Variants in RARB observed in about 807,000 individuals in gnomAD.
RARB encodes the protein HBV-activated protein.
A neutral mutation model predicts 51.9 loss-of-function variants in RARB; 17 were observed. That is an observed-to-expected ratio of 0.33 (90% confidence interval 0.22 to 0.49). The LOEUF is 0.49. RARB is among the 20% of genes least tolerant of loss of function. The pLI is 0.99. For missense variants in RARB, 369 were observed against 550.8 expected (o/e 0.67, Z 3.30); for synonymous variants, 215 against 195.4 (o/e 1.10, Z -0.84).
intron 2 of RARB, among the ~76,000 whole-genome samples, chr3:25,014,204 A>G (rs977711424): frequency 1.3e-5 from 2 of 151,990 alleles, no homozygotes; most frequent in South Asian, 2.1e-4. Context: ...CAATATAACT[A>G]TGTCTCTTTT....
chr3:25,180,078 G>C (rs1346195259), intron 5 of RARB, among the ~76,000 whole-genome samples: 1 of 152,162 alleles, frequency 6.6e-6, no homozygotes, highest in African/African-American at 2.4e-5. Context: ...ATGCCCAAAG[G>C]AGTGTCTCAA....
chr3:25,129,732 T>C (rs554748039), intron 3 of RARB, among the ~76,000 whole-genome samples: 42 of 152,188 alleles, frequency 2.8e-4, no homozygotes, highest in African/African-American at 8.7e-4. Context: ...ATGAAAAGTT[T>C]AAAAATGAAA....
At chr3:25,144,965 T>C (rs183265919) in intron 4 of RARB, among the ~76,000 whole-genome samples, 1 of 152,270 alleles carries the variant, frequency 6.6e-6, no homozygotes, top group East Asian at 1.9e-4. Flanking sequence ...TTACAACATT[T>C]TGGAATGCAG....
chr3:25,496,370 G>A (rs1227817078), intron 2 of RARB, among the ~76,000 whole-genome samples: 2 of 152,162 alleles, frequency 1.3e-5, no homozygotes, highest in Admixed American at 6.5e-5. Context: ...CTTAGTTCCA[G>A]GGGTGTCATA....
chr3:25,331,825 A>G (rs1199515438), intron 5 of RARB, among the ~76,000 whole-genome samples: 1 of 152,218 alleles, frequency 6.6e-6, no homozygotes, highest in Non-Finnish European at 1.5e-5. Context: ...AGACACAATA[A>G]AAAATGATAA....
At chr3:25,117,651 C>T (rs1319014509) in intron 3 of RARB, among the ~76,000 whole-genome samples, 1 of 152,058 alleles carries the variant, frequency 6.6e-6, no homozygotes, top group East Asian at 1.9e-4. Flanking sequence ...GTGGCCTGAG[C>T]TTAGGGTAAT....
chr3:25,045,420 G>C (rs1698195423), intron 2 of RARB, among the ~76,000 whole-genome samples: 1 of 152,120 alleles, frequency 6.6e-6, no homozygotes, highest in Admixed American at 6.6e-5. Context: ...GTATCTGAGA[G>C]GTTTAAGTAA....
intron 2 of RARB, among the ~76,000 whole-genome samples, chr3:24,945,233 T>C (rs1291756501): frequency 6.6e-6 from 1 of 152,240 alleles, no homozygotes; most frequent in East Asian, 1.9e-4. Flanking sequence ...TATTTGTGTA[T>C]ATTTATGTAA....
intron 3 of RARB, among the ~76,000 whole-genome samples, chr3:25,083,946 C>T (rs918772868): frequency 6.6e-6 from 1 of 152,130 alleles, no homozygotes; most frequent in Non-Finnish European, 1.5e-5. Context: ...TTATCCACTC[C>T]GACAAACTGA....
intron 5 of RARB, among the ~76,000 whole-genome samples, chr3:25,367,269 T>A (rs1056865897): frequency 6.6e-6 from 1 of 152,242 alleles, no homozygotes; most frequent in East Asian, 1.9e-4. Flanking sequence ...ATTTGAGCAA[T>A]CTCCTCTGGC....
chr3:24,849,912 T>A (rs1262939570), intron 1 of RARB, among the ~76,000 whole-genome samples: 2 of 152,232 alleles, frequency 1.3e-5, no homozygotes, highest in South Asian at 2.1e-4. Context: ...TCAGAAAGTT[T>A]CATTGAAGCA....
intron 4 of RARB, among the ~76,000 whole-genome samples, chr3:25,132,845 A>T (rs1466724825): frequency 6.6e-6 from 1 of 151,950 alleles, no homozygotes; most frequent in Non-Finnish European, 1.5e-5. Flanking sequence ...ATAAATATAT[A>T]TAATTGTCAA....
chr3:24,978,268 T>C (rs1229191071), intron 2 of RARB, among the ~76,000 whole-genome samples: 1 of 152,210 alleles, frequency 6.6e-6, no homozygotes, highest in Admixed American at 6.5e-5. Flanking sequence ...GCTTGTCTTA[T>C]AAAATGAGTT....
intron 5 of RARB, among the ~76,000 whole-genome samples, chr3:25,375,046 G>T (rs1020212123): frequency 2.8e-5 from 4 of 141,628 alleles, no homozygotes; most frequent in African/African-American, 9.8e-5. Context: ...AACTTAAAGC[G>T]AGAGAAATAA....
exon 5 of RARB, chr3:25,174,189 GCATCCTT>G: frequency 7.7e-6 from 2 of 258,768 alleles, no homozygotes; most frequent in Non-Finnish European, 7.7e-6. Flanking sequence ...AACGACGAAA[GCATCCTT>G]CCTGTAATCA....
intron 3 of RARB, among the ~76,000 whole-genome samples, chr3:25,510,480 G>A (rs1422645841): frequency 6.6e-6 from 1 of 151,920 alleles, no homozygotes; most frequent in Non-Finnish European, 1.5e-5. Context: ...AAAAAAATTA[G>A]CCGGGCATGG....
chr3:24,849,764 T>C (rs1332941423), intron 1 of RARB, among the ~76,000 whole-genome samples: 1 of 152,208 alleles, frequency 6.6e-6, no homozygotes, highest in East Asian at 1.9e-4. Context: ...CAACATCCAT[T>C]ATGGGAATGA....
chr3:25,580,686 A>G lies in RARB; in HGVS notation c.750A>G (p.Gln250=), dbSNP rs760477676. 1 of 1,609,362 alleles carries G rather than the reference A, an allele frequency of 6.2e-7. No homozygotes were observed. Among genetic ancestry groups the G allele is most frequent in the South Asian group, 1.1e-5 (1 of 90,742 alleles). ...TCACTGGCTTGACCATCGCAGACCA[A>G]ATTACCCTGCTGAAGGCCGCCTGCC... ...PGFTGLTIAD[Q]ITLLKAACLD... is the part of the protein sequence containing the mutation. The change falls in exon 5 of 8, where the codon CAA becomes CAG. Residue 250 remains glutamine, a synonymous_variant. Transcript: ENST00000330688.
chr3:25,018,183 A>T (rs1215546817), intron 2 of RARB, among the ~76,000 whole-genome samples: 2 of 152,226 alleles, frequency 1.3e-5, no homozygotes, highest in African/African-American at 2.4e-5. Flanking sequence ...TGAATGGCAT[A>T]ATTACTACAA....
Sources: gnomAD v4.1 joint callset for allele counts (sites outside exome capture counted in the v4.1 genomes callset) on GRCh38, gnomAD v4.1.1 for gene constraint, MANE v1.5 for transcripts, NCBI Gene and HGNC (gene_info 2026-07-23, HGNC 2026-07-21) for gene names.